Variants in APBA2 observed in about 807,000 individuals in gnomAD.
APBA2 encodes amyloid-beta A4 precursor protein-binding family A member 2.
APBA2 carries 30 observed loss-of-function variants against 75.0 expected under a neutral mutation model. That is an observed-to-expected ratio of 0.40 (90% confidence interval 0.30 to 0.54). APBA2 has a LOEUF of 0.54. Among genes scored for constraint, APBA2 ranks in the 20% least tolerant of loss-of-function variants. The pLI is 0.49. For missense variants in APBA2, 801 were observed against 1,016.1 expected (o/e 0.79, Z 2.88); for synonymous variants, 444 against 409.6 (o/e 1.08, Z -1.01).
At chr15:29,091,669 C>T (rs1436158425) in intron 6 of APBA2, among the ~76,000 whole-genome samples, 1 of 152,178 alleles carries the variant, frequency 6.6e-6, no homozygotes, top group Non-Finnish European at 1.5e-5. Flanking sequence ...TGGGCAGATA[C>T]ACAGGACTGG....
chr15:29,103,623 C>T (rs967331795), intron 10 of APBA2, among the ~76,000 whole-genome samples: 9 of 152,174 alleles, frequency 5.9e-5, no homozygotes, highest in African/African-American at 1.9e-4. Context: ...GCCGGCTCCC[C>T]GGGCTTGGAG....
intron 2 of APBA2, among the ~76,000 whole-genome samples, chr15:28,956,802 G>A (rs1316973270): frequency 1.3e-5 from 2 of 152,146 alleles, no homozygotes; most frequent in Non-Finnish European, 2.9e-5. Flanking sequence ...CAGGTGCCTC[G>A]TATGAGAGCA....
intron 4 of APBA2, among the ~76,000 whole-genome samples, chr15:29,067,683 CT>C (rs888822874): frequency 2.0e-5 from 3 of 152,298 alleles, no homozygotes; most frequent in Non-Finnish European, 4.4e-5. Flanking sequence ...ATCCTCTCGC[CT>C]TTTCCACAAG....
chr15:28,979,079 C>T (rs1460638688), intron 2 of APBA2, among the ~76,000 whole-genome samples: 1 of 152,226 alleles, frequency 6.6e-6, no homozygotes, highest in Non-Finnish European at 1.5e-5. Context: ...TGGAGGCAAG[C>T]TGATCCCTGA....
chr15:28,919,242 C>G (rs572476356), intron 1 of APBA2: 1 of 152,284 alleles, frequency 6.6e-6, no homozygotes, highest in South Asian at 2.1e-4. Flanking sequence ...GGGGAGAGGC[C>G]GAGTCAAGGG....
chr15:29,061,821 C>A (rs544072022), intron 4 of APBA2, among the ~76,000 whole-genome samples: 4 of 152,206 alleles, frequency 2.6e-5, no homozygotes, highest in Non-Finnish European at 1.5e-5. Flanking sequence ...ACACACATGC[C>A]CCGCTGGGCA....
At chr15:29,087,269 A>ATT (rs1555409488) in intron 6 of APBA2, among the ~76,000 whole-genome samples, 15 of 152,206 alleles carry the variant, frequency 9.9e-5, no homozygotes, top group Middle Eastern at 3.4e-3. Context: ...TTTTTTAAAA[A>ATT]AAATTATTTA....
At chr15:29,090,421 T>C (rs1381109908) in intron 6 of APBA2, among the ~76,000 whole-genome samples, 1 of 152,194 alleles carries the variant, frequency 6.6e-6, no homozygotes, top group Non-Finnish European at 1.5e-5. Context: ...AACATGGAAA[T>C]GTGAACCTCA....
At chr15:29,099,012 A>C (rs939633783) in intron 9 of APBA2, among the ~76,000 whole-genome samples, 2 of 152,080 alleles carry the variant, frequency 1.3e-5, no homozygotes, top group African/African-American at 4.8e-5. Flanking sequence ...TCCTGTGTCC[A>C]GGCTTGCACC....
At chr15:29,033,209 G>C (rs560238036) in intron 3 of APBA2, among the ~76,000 whole-genome samples, 1 of 151,954 alleles carries the variant, frequency 6.6e-6, no homozygotes, top group African/African-American at 2.4e-5. Context: ...CTGGGATCAG[G>C]GTTAGACAAG....
intron 4 of APBA2, among the ~76,000 whole-genome samples, chr15:29,072,624 T>G (rs984362622): frequency 2.0e-5 from 3 of 151,832 alleles, no homozygotes; most frequent in Non-Finnish European, 2.9e-5. Context: ...TGCAACAGAG[T>G]CTCGGGTGGT....
chr15:28,912,631 A>T (rs2033484283), intron 1 of APBA2, among the ~76,000 whole-genome samples: 1 of 152,138 alleles, frequency 6.6e-6, no homozygotes, highest in South Asian at 2.1e-4. Context: ...CACCCTCCAG[A>T]GGTTGTGTCT....
At chr15:29,056,350 C>T (rs2041884092) in intron 4 of APBA2, among the ~76,000 whole-genome samples, 1 of 152,020 alleles carries the variant, frequency 6.6e-6, no homozygotes, top group Non-Finnish European at 1.5e-5. Flanking sequence ...AGTCCCCAGC[C>T]ATTGTGGAGG....
At chr15:28,894,841 G>C (rs1197876248) in intron 1 of APBA2, among the ~76,000 whole-genome samples, 6 of 151,994 alleles carry the variant, frequency 3.9e-5, no homozygotes, top group East Asian at 1.9e-4. Flanking sequence ...GGCGAGGGGA[G>C]GGTGCGGGGA....
At chr15:28,950,020 C>A (rs905642552) in intron 2 of APBA2, among the ~76,000 whole-genome samples, 1 of 152,144 alleles carries the variant, frequency 6.6e-6, no homozygotes. Flanking sequence ...CCTGTCCAGG[C>A]CACTACGTTA....
At chr15:28,956,456 T>C (rs2036174010) in intron 2 of APBA2, among the ~76,000 whole-genome samples, 2 of 152,162 alleles carry the variant, frequency 1.3e-5, no homozygotes, top group South Asian at 4.1e-4. Context: ...AGCCGGGTTT[T>C]GGAGGCTTTC....
At chr15:29,099,774 T>A (rs912642835) in intron 9 of APBA2, among the ~76,000 whole-genome samples, 7 of 152,140 alleles carry the variant, frequency 4.6e-5, no homozygotes, top group Admixed American at 2.6e-4. Context: ...GGTGGGAGGA[T>A]GGGCTTGGGG....
At chr15:28,986,187 C>T (rs1054822505) in intron 2 of APBA2, among the ~76,000 whole-genome samples, 10 of 152,212 alleles carry the variant, frequency 6.6e-5, no homozygotes, top group South Asian at 2.1e-4. Flanking sequence ...AGAAGCCATT[C>T]CCCGATCACC....
At chr15:29,025,157 C>G (rs2040152357) in intron 3 of APBA2, among the ~76,000 whole-genome samples, 1 of 151,982 alleles carries the variant, frequency 6.6e-6, no homozygotes, top group South Asian at 2.1e-4. Context: ...TGACTAGTTA[C>G]CATTTATTAA....
Sources: allele counts gnomAD v4.1 joint callset (sites outside exome capture counted in the v4.1 genomes callset), GRCh38; gene constraint gnomAD v4.1.1; transcripts MANE v1.5; gene names NCBI Gene and HGNC (gene_info 2026-07-23, HGNC 2026-07-21).